Variants in MGLL observed in about 807,000 individuals in gnomAD.
MGLL encodes the protein monoglyceride lipase.
MGLL carries 7 observed loss-of-function variants against 29.1 expected under a neutral mutation model. That is an observed-to-expected ratio of 0.24 (90% CI 0.14 to 0.45). MGLL has a LOEUF of 0.45. MGLL is among the 20% of genes least tolerant of loss of function. The pLI is 0.99. For missense variants in MGLL, 356 were observed against 413.6 expected (o/e 0.86, Z 1.21); for synonymous variants, 148 against 168.3 (o/e 0.88, Z 0.93).
At chr3:127,778,251 T>C (rs2077067704) in intron 3 of MGLL, among the ~76,000 whole-genome samples, 2 of 152,232 alleles carry the variant, frequency 1.3e-5, no homozygotes, top group African/African-American at 2.4e-5. Flanking sequence ...TAAAGCATTT[T>C]CCTATCTATT....
chr3:127,786,764 G>A (rs781722539), intron 2 of MGLL, among the ~76,000 whole-genome samples: 1 of 152,232 alleles, frequency 6.6e-6, no homozygotes, highest in Non-Finnish European at 1.5e-5. Flanking sequence ...CGACCTCAGA[G>A]AGCAATGTCG....
chr3:127,773,427 G>A (rs2076982038), intron 3 of MGLL, among the ~76,000 whole-genome samples: 1 of 152,250 alleles, frequency 6.6e-6, no homozygotes, highest in South Asian at 2.1e-4. Flanking sequence ...AGTCAGATAA[G>A]GTATGAACAT....
intron 6 of MGLL, among the ~76,000 whole-genome samples, chr3:127,699,248 C>T (rs1015182941): frequency 1.3e-5 from 2 of 152,328 alleles, no homozygotes; most frequent in Non-Finnish European, 2.9e-5. Context: ...AAACTTTGCA[C>T]TGAAGTACAG....
chr3:127,773,093 G>A (rs2076976020), intron 3 of MGLL, among the ~76,000 whole-genome samples: 1 of 152,244 alleles, frequency 6.6e-6, no homozygotes, highest in Non-Finnish European at 1.5e-5. Flanking sequence ...TCCAGCCTGG[G>A]CTGGTTTCCT....
intron 3 of MGLL, among the ~76,000 whole-genome samples, chr3:127,769,914 G>A (rs1017675000): frequency 2.9e-4 from 44 of 152,156 alleles, no homozygotes; most frequent in Admixed American, 7.9e-4. Flanking sequence ...TGACCGGCGC[G>A]CGCCATGGCT....
At chr3:127,775,153 G>A (rs2077012113) in intron 3 of MGLL, among the ~76,000 whole-genome samples, 1 of 152,092 alleles carries the variant, frequency 6.6e-6, no homozygotes, top group Non-Finnish European at 1.5e-5. Flanking sequence ...GACTATGGGG[G>A]TCTCAGGGTG....
At chr3:127,772,824 C>T (rs2076972192) in intron 3 of MGLL, among the ~76,000 whole-genome samples, 1 of 152,128 alleles carries the variant, frequency 6.6e-6, no homozygotes, top group Non-Finnish European at 1.5e-5. Context: ...GGTTAGAGGC[C>T]TTATTAAAGG....
At chr3:127,726,003 C>T (rs1430863288) in intron 3 of MGLL, among the ~76,000 whole-genome samples, 6 of 150,514 alleles carry the variant, frequency 4.0e-5, no homozygotes, top group African/African-American at 7.3e-5. Flanking sequence ...AGGTTGGGGC[C>T]GCAGTGAGCT....
At chr3:127,767,144 T>A (rs1482225961) in intron 3 of MGLL, among the ~76,000 whole-genome samples, 1 of 112,644 alleles carries the variant, frequency 8.9e-6, no homozygotes, top group Non-Finnish European at 1.8e-5. Flanking sequence ...CTTACCTTCC[T>A]CATATTCTCC....
At chr3:127,720,592 A>T (rs2075898526) in intron 5 of MGLL, among the ~76,000 whole-genome samples, 2 of 152,188 alleles carry the variant, frequency 1.3e-5, no homozygotes, top group African/African-American at 4.8e-5. Context: ...GATCCCTAAC[A>T]GTCAGAGGTC....
At chr3:127,779,100 T>C (rs1274576897) in intron 3 of MGLL, among the ~76,000 whole-genome samples, 1 of 152,164 alleles carries the variant, frequency 6.6e-6, no homozygotes, top group Non-Finnish European at 1.5e-5. Flanking sequence ...GTGCAGTGGC[T>C]CACGCCTGTA....
intron 3 of MGLL, among the ~76,000 whole-genome samples, chr3:127,777,085 C>T (rs1276353663): frequency 2.6e-5 from 4 of 152,190 alleles, no homozygotes; most frequent in Non-Finnish European, 5.9e-5. Flanking sequence ...ATTAGGACAA[C>T]AGTTACTGTG....
intron 2 of MGLL, among the ~76,000 whole-genome samples, chr3:127,802,926 C>T (rs910633655): frequency 7.2e-5 from 11 of 152,194 alleles, no homozygotes; most frequent in Admixed American, 4.6e-4. Flanking sequence ...TGACTGACCT[C>T]GCTTCTGTGC....
chr3:127,765,586 T>G (rs1338912723), intron 3 of MGLL, among the ~76,000 whole-genome samples: 1 of 152,176 alleles, frequency 6.6e-6, no homozygotes, highest in Admixed American at 6.5e-5. Context: ...ATGTGCCCAA[T>G]TCCTGTGTGA....
chr3:127,803,330 G>C (rs1453192974), intron 2 of MGLL, among the ~76,000 whole-genome samples: 1 of 152,124 alleles, frequency 6.6e-6, no homozygotes, highest in Admixed American at 6.5e-5. Flanking sequence ...GTTTGCTCTT[G>C]TTCTGGCAGT....
intron 2 of MGLL, among the ~76,000 whole-genome samples, chr3:127,786,162 T>A (rs1221266167): frequency 6.6e-6 from 1 of 152,180 alleles, no homozygotes; most frequent in African/African-American, 2.4e-5. Flanking sequence ...GGTACCCAGC[T>A]GGGCAGCGAC....
intron 6 of MGLL, among the ~76,000 whole-genome samples, chr3:127,703,613 T>A (rs2075542041): frequency 6.6e-6 from 1 of 152,158 alleles, no homozygotes; most frequent in Non-Finnish European, 1.5e-5. Flanking sequence ...CAAAACAAGG[T>A]ATCCACTTCA....
intron 6 of MGLL, among the ~76,000 whole-genome samples, chr3:127,701,343 G>A (rs763481094): frequency 2.6e-5 from 4 of 152,034 alleles, no homozygotes; most frequent in Non-Finnish European, 4.4e-5. Context: ...GCTTGGCGTG[G>A]CCATGGCGTG....
At chr3:127,781,455 G>A (rs2077124470) in intron 3 of MGLL, among the ~76,000 whole-genome samples, 1 of 152,164 alleles carries the variant, frequency 6.6e-6, no homozygotes. Context: ...ATGCCCATTT[G>A]AGGGCACTTG....
Sources: allele counts gnomAD v4.1 joint callset (sites outside exome capture counted in the v4.1 genomes callset), GRCh38; gene constraint gnomAD v4.1.1; transcripts MANE v1.5; gene names NCBI Gene and HGNC (gene_info 2026-07-23, HGNC 2026-07-21).